Variants in SHISA6 observed in about 807,000 individuals in gnomAD.
SHISA6 encodes shisa family member 6.
SHISA6 carries 22 observed loss-of-function variants against 47.9 expected under a neutral mutation model. The ratio of observed to expected loss-of-function variants is 0.46; its 90% confidence interval spans 0.33 to 0.66. SHISA6 has a LOEUF of 0.66. Ranked by LOEUF, SHISA6 falls within the 30% of genes least tolerant of loss-of-function variation. The pLI is 0.02. For missense variants in SHISA6, 680 were observed against 764.6 expected, an observed-to-expected ratio of 0.89 and a Z score of 1.30; for synonymous variants, 388 against 337.8, an observed-to-expected ratio of 1.15 and a Z score of -1.63.
chr17:11,434,407 T>C (rs190636552), intron 3 of SHISA6, among the ~76,000 whole-genome samples: 33 of 152,330 alleles, frequency 2.2e-4, no homozygotes, highest in South Asian at 8.3e-4. Context: ...TTTTCCTCCC[T>C]AATTTTCTCA....
At chr17:11,526,929 AT>A (rs2071691429) in intron 3 of SHISA6, among the ~76,000 whole-genome samples, 1 of 23,584 alleles carries the variant, frequency 4.2e-5, no homozygotes, top group African/African-American at 1.9e-4. Flanking sequence ...ATATATATAT[AT>A]ATATATTATA....
chr17:11,484,725 A>G (rs529424484), intron 3 of SHISA6, among the ~76,000 whole-genome samples: 1 of 152,316 alleles, frequency 6.6e-6, no homozygotes, highest in South Asian at 2.1e-4. Context: ...TAATATCCAC[A>G]AAAGAGAAAA....
intron 3 of SHISA6, among the ~76,000 whole-genome samples, chr17:11,420,726 C>G (rs1474015093): frequency 6.6e-6 from 1 of 152,224 alleles, no homozygotes; most frequent in Non-Finnish European, 1.5e-5. Context: ...GACACTGCCA[C>G]CATCCAAATG....
intron 3 of SHISA6, among the ~76,000 whole-genome samples, chr17:11,468,253 T>C (rs1252259798): frequency 6.6e-6 from 1 of 152,052 alleles, no homozygotes; most frequent in Non-Finnish European, 1.5e-5. Flanking sequence ...ATGAGCTTTA[T>C]TGATTCTCTC....
At chr17:11,403,819 G>A (rs181888835) in intron 3 of SHISA6, among the ~76,000 whole-genome samples, 15 of 152,274 alleles carry the variant, frequency 9.9e-5, no homozygotes, top group East Asian at 5.8e-4. Flanking sequence ...TCCCTCCCTC[G>A]ATAATTGGAG....
intron 2 of SHISA6, among the ~76,000 whole-genome samples, chr17:11,377,873 A>G (rs1381008731): frequency 6.6e-6 from 1 of 152,192 alleles, no homozygotes; most frequent in Non-Finnish European, 1.5e-5. Flanking sequence ...TCTGGAGTTG[A>G]GTCTGAGGGT....
intron 2 of SHISA6, among the ~76,000 whole-genome samples, chr17:11,266,232 G>A (rs1415022042): frequency 6.6e-6 from 1 of 152,160 alleles, no homozygotes; most frequent in African/African-American, 2.4e-5. Flanking sequence ...GTAGGAGTAT[G>A]GTAGTAAGTT....
chr17:11,284,117 C>G (rs1339083385), intron 2 of SHISA6, among the ~76,000 whole-genome samples: 1 of 152,118 alleles, frequency 6.6e-6, no homozygotes, highest in Non-Finnish European at 1.5e-5. Context: ...TAGGCATGCA[C>G]AATCCTCCCC....
intron 2 of SHISA6, among the ~76,000 whole-genome samples, chr17:11,333,521 T>C (rs59041450): frequency 0.046 from 6,980 of 152,188 alleles, 531 homozygotes; most frequent in African/African-American, 0.16. Flanking sequence ...TATTTATTTT[T>C]ATTTTTATTT....
chr17:11,274,539 A>G (rs1436268210), intron 2 of SHISA6, among the ~76,000 whole-genome samples: 1 of 136,798 alleles, frequency 7.3e-6, no homozygotes, highest in African/African-American at 3.7e-5. Flanking sequence ...ACCAGGAGGG[A>G]GAGCCCAGCC....
intron 3 of SHISA6, among the ~76,000 whole-genome samples, chr17:11,509,981 G>C (rs950395600): frequency 1.1e-4 from 16 of 152,048 alleles, no homozygotes; most frequent in Non-Finnish European, 8.8e-5. Context: ...GAGGTAAGAA[G>C]GCAAACCTGC....
At chr17:11,414,718 T>C (rs1914228571) in intron 3 of SHISA6, among the ~76,000 whole-genome samples, 1 of 152,204 alleles carries the variant, frequency 6.6e-6, no homozygotes, top group South Asian at 2.1e-4. Context: ...TCAGTCTGGA[T>C]GCAGAAACTT....
At chr17:11,495,993 T>TCATCCATCCATCCATC (rs10642001) in intron 3 of SHISA6, among the ~76,000 whole-genome samples, 37 of 148,852 alleles carry the variant, frequency 2.5e-4, no homozygotes, top group Non-Finnish European at 4.6e-4. Flanking sequence ...ATTTATCCAT[T>TCATCCATCCATCCATC]CATCCATCCA....
At chr17:11,412,800 A>G (rs75785654) in intron 3 of SHISA6, among the ~76,000 whole-genome samples, 40,733 of 151,938 alleles carry the variant, frequency 0.27, 5,926 homozygotes, top group Middle Eastern at 0.38. Context: ...CACCATCCCC[A>G]CCACCCCTGG....
intron 3 of SHISA6, among the ~76,000 whole-genome samples, chr17:11,509,495 G>T (rs1033221992): frequency 9.9e-5 from 15 of 152,184 alleles, no homozygotes; most frequent in African/African-American, 3.6e-4. Flanking sequence ...CCTCCTTGGT[G>T]GTGTAACCAG....
At chr17:11,457,337 C>A (rs931377650) in intron 3 of SHISA6, among the ~76,000 whole-genome samples, 1 of 152,216 alleles carries the variant, frequency 6.6e-6, no homozygotes, top group Non-Finnish European at 1.5e-5. Flanking sequence ...TACACCACCA[C>A]CCATGCAGTC....
At chr17:11,395,621 G>A (rs1305243280) in intron 3 of SHISA6, among the ~76,000 whole-genome samples, 3 of 150,046 alleles carry the variant, frequency 2.0e-5, no homozygotes, top group East Asian at 2.0e-4. Context: ...GGGTTCAAGC[G>A]ATTCTCCTGC....
chr17:11,258,402 T>C (rs995464220), intron 1 of SHISA6, among the ~76,000 whole-genome samples: 3 of 152,192 alleles, frequency 2.0e-5, no homozygotes, highest in Admixed American at 6.5e-5. Flanking sequence ...ATGGAGGGCA[T>C]GTTGATTGAG....
At chr17:11,466,309 TGTGGAGTG>T (rs1308549497) in intron 3 of SHISA6, among the ~76,000 whole-genome samples, 1 of 152,094 alleles carries the variant, frequency 6.6e-6, no homozygotes, top group East Asian at 1.9e-4. Context: ...TGCCCATCCA[TGTGGAGTG>T]GTCAGGAAGG....
Sources: gnomAD v4.1 joint callset for allele counts (sites outside exome capture counted in the v4.1 genomes callset) on GRCh38, gnomAD v4.1.1 for gene constraint, MANE v1.5 for transcripts, NCBI Gene and HGNC (gene_info 2026-07-23, HGNC 2026-07-21) for gene names.